RPAP2: variants seen among roughly 807,000 people sequenced by gnomAD.
RPAP2 encodes RNA polymerase II associated protein 2.
A neutral mutation model predicts 73.1 loss-of-function variants in RPAP2; 52 were observed. The ratio of observed to expected loss-of-function variants is 0.71; its 90% CI spans 0.57 to 0.90. The LOEUF (loss-of-function observed/expected upper bound fraction) is 0.90, where lower values mean the gene tolerates loss of function less well. Among genes scored for constraint, RPAP2 ranks in the 40% least tolerant of loss-of-function variants. RPAP2 has a pLI of 0.00. For synonymous variants in RPAP2, 225 were observed against 242.1 expected (o/e 0.93, Z 0.65); for missense variants, 598 against 701.8 (o/e 0.85, Z 1.67).
intron 8 of RPAP2, 149 bp from the exon 9 acceptor site, chr1:92,333,242 C>A: frequency 1.6e-6 from 1 of 607,892 alleles, no homozygotes; most frequent in South Asian, 2.3e-5. Context: ...TGAGTTGATA[C>A]TCAAATTTAA....
chr1:92,367,455 G>A (rs1234286734), intron 11 of RPAP2, among the ~76,000 whole-genome samples: 1 of 152,192 alleles, frequency 6.6e-6, no homozygotes, highest in Admixed American at 6.5e-5. Context: ...CACATTGAAG[G>A]TATGGCTGTT....
rs558583555 is a variant in RPAP2, at chr1:92,362,476, G to C, written c.1688+16562G>C. Among the ~76,000 whole-genome samples, 47 of 152,260 alleles carry C rather than the reference G, an allele frequency of 3.1e-4. No homozygotes were observed. The South Asian group carries it at 9.7e-3, about 32-fold the overall frequency. Reference sequence around the variant, plus strand: ...CTTCTCACTATTGGCTGTTTGTGTTGTCCCACCATTCGCTTTGAATGAGTT... The same window carrying C: ...CTTCTCACTATTGGCTGTTTGTGTTCTCCCACCATTCGCTTTGAATGAGTT... On this transcript the variant is annotated intron_variant, in intron 11 of 12. Transcript: ENST00000610020.
At chr1:92,378,623 T>A (rs903265580) in intron 11 of RPAP2, among the ~76,000 whole-genome samples, 23 of 152,196 alleles carry the variant, frequency 1.5e-4, no homozygotes, top group African/African-American at 5.3e-4. Flanking sequence ...CCATCCCTTA[T>A]TCTTGGTCTT....
intron 4 of RPAP2, 32 bp from the exon 5 acceptor site, chr1:92,304,252 T>C: frequency 7.3e-7 from 1 of 1,362,634 alleles, no homozygotes; most frequent in Admixed American, 1.9e-5. Flanking sequence ...ATTATTTGGA[T>C]TCTTTTGTAA....
At chr1:92,307,324 TTTG>T in intron 6 of RPAP2, 48 bp downstream of exon 6, 6 of 1,309,710 alleles carry the variant, frequency 4.6e-6, no homozygotes, top group Non-Finnish European at 6.4e-6. Context: ...ATTCTAATAA[TTTG>T]TTTCTGCTTT....
chr1:92,345,379 TAAAAAAAAA>T (rs57025975), intron 10 of RPAP2, among the ~76,000 whole-genome samples: 1 of 73,770 alleles, frequency 1.4e-5, no homozygotes, highest in East Asian at 5.4e-4. Context: ...CCCGTTTCTT[TAAAAAAAAA>T]AAAAAAAAAA....
At chr1:92,300,901 A>G (rs773413035) in intron 2 of RPAP2, among the ~76,000 whole-genome samples, 20 of 152,168 alleles carry the variant, frequency 1.3e-4, no homozygotes, top group Non-Finnish European at 2.5e-4. Context: ...ATAAATAATA[A>G]TAAATTAATT....
intron 10 of RPAP2, among the ~76,000 whole-genome samples, chr1:92,337,750 A>AT (rs1571083987): frequency 6.6e-6 from 1 of 152,066 alleles, no homozygotes; most frequent in African/African-American, 2.4e-5. Flanking sequence ...TAATTTAGGA[A>AT]TTTTTCCAAC....
At position 92,319,062 on chromosome 1, in the gene RPAP2, G is replaced by A. The variant is rs576654687; in HGVS notation, c.489-1537G>A. 3.3e-5 allele frequency among the ~76,000 whole-genome samples: 5 copies of A among 152,266 alleles called. No homozygotes were observed. In the East Asian group the frequency reaches 9.7e-4, roughly 29 times the overall value. ...TGCTTTAAAAAAGAGAAAAAAGGGAGAGGTTTGTAGAGTAAATACCCCAGA... is the reference window on the plus strand; with the variant it reads ...TGCTTTAAAAAAGAGAAAAAAGGGAAAGGTTTGTAGAGTAAATACCCCAGA... On this transcript the variant is annotated intron_variant, in intron 6 of 12. Coordinates refer to ENST00000610020, the MANE Select transcript of RPAP2 (RefSeq NM_024813.3).
At chr1:92,340,494 A>G (rs527362622) in intron 10 of RPAP2, among the ~76,000 whole-genome samples, 45 of 152,306 alleles carry the variant, frequency 3.0e-4, no homozygotes, top group African/African-American at 9.6e-4. Context: ...TGAAGTGACA[A>G]TCAATAATAG....
intron 12 of RPAP2, among the ~76,000 whole-genome samples, chr1:92,385,173 C>CAAA (rs10708018): frequency 1.6e-5 from 2 of 123,012 alleles, no homozygotes; most frequent in Admixed American, 8.4e-5. Context: ...GACCCTGTCT[C>CAAA]AAAAAAAAAA....
chr1:92,383,751 T>G (rs1245579757), intron 12 of RPAP2, among the ~76,000 whole-genome samples: 10 of 146,906 alleles, frequency 6.8e-5, no homozygotes, highest in Admixed American at 6.6e-4. Flanking sequence ...ATTGATACCC[T>G]GTATTTCCTT....
intron 9 of RPAP2, among the ~76,000 whole-genome samples, chr1:92,333,984 T>A (rs911440768): frequency 1.3e-5 from 2 of 152,222 alleles, no homozygotes; most frequent in Non-Finnish European, 2.9e-5. Context: ...TTCTTGTAAT[T>A]AGCCCAGTCA....
intron 11 of RPAP2, among the ~76,000 whole-genome samples, chr1:92,354,977 C>G (rs1000272061): frequency 6.6e-6 from 1 of 151,358 alleles, no homozygotes; most frequent in Non-Finnish European, 1.5e-5. Flanking sequence ...CAGCTCATTG[C>G]AATCTCTGCC....
chr1:92,317,316 G>T (rs1385088509), intron 6 of RPAP2, among the ~76,000 whole-genome samples: 1 of 152,076 alleles, frequency 6.6e-6, no homozygotes, highest in Non-Finnish European at 1.5e-5. Flanking sequence ...AGACCAGCCT[G>T]GCCAACATGG....
intron 10 of RPAP2, among the ~76,000 whole-genome samples, chr1:92,344,401 T>G (rs1033999816): frequency 2.0e-5 from 3 of 152,172 alleles, no homozygotes; most frequent in African/African-American, 7.2e-5. Context: ...CAAGACTCTG[T>G]CTAAAAAAAG....
chr1:92,377,472 C>T (rs1407317790), intron 11 of RPAP2, among the ~76,000 whole-genome samples: 2 of 136,872 alleles, frequency 1.5e-5, no homozygotes, highest in African/African-American at 5.6e-5. Flanking sequence ...GAGCCAAGAT[C>T]GTGCCACTGC....
At chr1:92,307,108 A>C (rs1215530096) in intron 5 of RPAP2, 80 bp from the exon 6 acceptor site, 1 of 948,952 alleles carries the variant, frequency 1.1e-6, no homozygotes, top group African/African-American at 1.7e-5. Context: ...TGAACGATAC[A>C]TTTATGTTTT....
Position 92,361,092 on chromosome 1 carries a change from AAT to A in RPAP2, c.1688+15188_1688+15189del, listed in dbSNP as rs1285286459. Among the ~76,000 whole-genome samples the A allele has an allele frequency of 6.0e-4, 72 of 120,078 alleles. No homozygotes were observed. The East Asian group carries it at 0.013, about 21-fold the overall frequency. The allele number at this position is 120,078 out of a possible 152,430, so 78.8% of individuals were successfully genotyped here. On this transcript the variant is annotated intron_variant, in intron 11 of 12. Transcript: ENST00000610020. Reference sequence around the variant, plus strand: ...AAGCAAAAAGCATATATATATATATAATATATATATACACACACACACACATA... The same window carrying A: ...AAGCAAAAAGCATATATATATATATAATATATATACACACACACACACATA...
Sources: allele counts gnomAD v4.1 joint callset (sites outside exome capture counted in the v4.1 genomes callset), GRCh38; gene constraint gnomAD v4.1.1; transcripts MANE v1.5; gene names NCBI Gene and HGNC (gene_info 2026-07-23, HGNC 2026-07-21).